GLI3: variants seen among roughly 807,000 people sequenced by gnomAD.
GLI3 encodes transcription activator GLI3.
A neutral mutation model predicts 100.8 loss-of-function variants in GLI3; 20 were observed. That is an observed-to-expected ratio of 0.20 (90% CI 0.14 to 0.29). The LOEUF is 0.29. Ranked by LOEUF, GLI3 falls within the 10% of genes least tolerant of loss-of-function variation. GLI3 has a pLI of 1.00. For missense variants in GLI3, 2,040 were observed against 2,128.5 expected (o/e 0.96, Z 0.82); for synonymous variants, 938 against 860.5 (o/e 1.09, Z -1.58).
At chr7:42,256,622 G>A (rs990549662) in intron 1 of GLI3, among the ~76,000 whole-genome samples, 2 of 152,116 alleles carry the variant, frequency 1.3e-5, no homozygotes, top group Non-Finnish European at 2.9e-5. Flanking sequence ...GGACTATCAA[G>A]TGTATTCCAT....
At chr7:41,987,419 G>A (rs958740956) in intron 10 of GLI3, among the ~76,000 whole-genome samples, 5 of 152,090 alleles carry the variant, frequency 3.3e-5, no homozygotes, top group Admixed American at 6.5e-5. Context: ...CACCTGCCTC[G>A]GCCTCCCAAA....
intron 10 of GLI3, among the ~76,000 whole-genome samples, chr7:41,999,130 T>C (rs749536353): frequency 6.6e-6 from 1 of 152,164 alleles, no homozygotes; most frequent in Non-Finnish European, 1.5e-5. Flanking sequence ...CATTACGCCA[T>C]GATAGGAAGT....
At chr7:42,074,788 G>A (rs1294489942) in intron 4 of GLI3, among the ~76,000 whole-genome samples, 1 of 152,172 alleles carries the variant, frequency 6.6e-6, no homozygotes, top group Non-Finnish European at 1.5e-5. Flanking sequence ...AATCTTCCAG[G>A]ACTTGTCTTT....
chr7:42,214,177 C>A (rs1000056076), intron 2 of GLI3, among the ~76,000 whole-genome samples: 1 of 152,158 alleles, frequency 6.6e-6, no homozygotes, highest in Non-Finnish European at 1.5e-5. Context: ...TATCCCATGA[C>A]GGCAGATTTA....
At chr7:41,984,426 T>G (rs1379273686) in intron 10 of GLI3, among the ~76,000 whole-genome samples, 1 of 152,098 alleles carries the variant, frequency 6.6e-6, no homozygotes, top group African/African-American at 2.4e-5. Context: ...CAATTCCCAC[T>G]CAGAAACACA....
At chr7:42,077,688 C>A (rs1257184808) in intron 3 of GLI3, among the ~76,000 whole-genome samples, 1 of 151,726 alleles carries the variant, frequency 6.6e-6, no homozygotes, top group Admixed American at 6.6e-5. Flanking sequence ...CCCCCACTTA[C>A]TCCTAGTAAC....
At chr7:42,187,564 G>T (rs1787741856) in intron 2 of GLI3, among the ~76,000 whole-genome samples, 1 of 152,130 alleles carries the variant, frequency 6.6e-6, no homozygotes, top group Non-Finnish European at 1.5e-5. Context: ...ATGCTAGATT[G>T]AATAGTGTCC....
chr7:42,144,825 T>C (rs563782254), intron 3 of GLI3, among the ~76,000 whole-genome samples: 1 of 152,246 alleles, frequency 6.6e-6, no homozygotes, highest in Non-Finnish European at 1.5e-5. Flanking sequence ...GGAATTGCTG[T>C]GAGTGTTCAC....
chr7:42,090,101 A>G (rs997709290), intron 3 of GLI3, among the ~76,000 whole-genome samples: 2 of 152,222 alleles, frequency 1.3e-5, no homozygotes, highest in Admixed American at 6.5e-5. Flanking sequence ...ATATCTAAAC[A>G]TAGAAAAGGT....
intron 3 of GLI3, among the ~76,000 whole-genome samples, chr7:42,126,580 C>T (rs558705962): frequency 1.7e-3 from 260 of 152,264 alleles, no homozygotes; most frequent in African/African-American, 6.1e-3. Context: ...AATAACTGAG[C>T]AGCTAATAAT....
At position 42,045,423 on chromosome 7, in the gene GLI3, T is replaced by C; in HGVS notation, c.787A>G (p.Thr263Ala). 3.7e-6 allele frequency: 6 copies of C among 1,613,922 alleles called. No homozygotes were observed. The highest frequency in any genetic ancestry group is 5.1e-6 in the Non-Finnish European group (6 of 1,179,742). The part of the protein sequence containing the change: ...DIIPSAATAG[T>A]GAIHMEYLHA... ...AGATATTCCATGTGGATGGCCCCCG[T>C]GCCGGCGGTGGCAGCTGAGGGAATA... Residue 263 changes from threonine to alanine, a missense_variant, in exon 6 of 15, where the codon ACG becomes GCG. By Grantham distance (58) the Thr-to-Ala change is moderately conservative (BLOSUM62 0). Around this residue, in one of 5 missense-constraint regions of GLI3, gnomAD observed 603 missense variants for 690.9 expected, o/e 0.87. Transcript: ENST00000395925.
At chr7:42,002,977 T>C (rs1788348322) in intron 10 of GLI3, among the ~76,000 whole-genome samples, 1 of 152,208 alleles carries the variant, frequency 6.6e-6, no homozygotes, top group Non-Finnish European at 1.5e-5. Context: ...CAAGCACTAG[T>C]TGCCTAATAT....
At chr7:42,060,882 C>T (rs1400674724) in intron 4 of GLI3, among the ~76,000 whole-genome samples, 1 of 152,096 alleles carries the variant, frequency 6.6e-6, no homozygotes, top group East Asian at 1.9e-4. Context: ...TTTCCTTTAG[C>T]AGAAACTTTT....
intron 4 of GLI3, among the ~76,000 whole-genome samples, chr7:42,051,471 T>C (rs76675312): frequency 2.0e-5 from 3 of 152,210 alleles, no homozygotes; most frequent in African/African-American, 7.2e-5. Context: ...CATCCATATG[T>C]AAAATCATAT....
At chr7:42,228,437 T>C (rs1788628790) in intron 1 of GLI3, among the ~76,000 whole-genome samples, 1 of 152,192 alleles carries the variant, frequency 6.6e-6, no homozygotes, top group African/African-American at 2.4e-5. Context: ...CGCCTGGCAG[T>C]CTCCCTCCAG....
intron 2 of GLI3, among the ~76,000 whole-genome samples, chr7:42,171,706 T>C (rs992030691): frequency 5.9e-5 from 9 of 152,210 alleles, no homozygotes; most frequent in African/African-American, 2.2e-4. Context: ...TTCTTAAAGC[T>C]TTCTTCCAAA....
At chr7:42,080,271 A>G (rs1784970642) in intron 3 of GLI3, among the ~76,000 whole-genome samples, 1 of 152,236 alleles carries the variant, frequency 6.6e-6, no homozygotes, top group South Asian at 2.1e-4. Flanking sequence ...ACAGTATTCT[A>G]TGAATTTAAA....
At chr7:42,181,436 A>AC (rs1187953804) in intron 2 of GLI3, among the ~76,000 whole-genome samples, 2 of 151,984 alleles carry the variant, frequency 1.3e-5, no homozygotes, top group African/African-American at 4.8e-5. Context: ...CCCTGTCTCT[A>AC]TAAAAAAATC....
chr7:41,999,122 T>C (rs1788214553), intron 10 of GLI3, among the ~76,000 whole-genome samples: 2 of 152,174 alleles, frequency 1.3e-5, no homozygotes, highest in South Asian at 2.1e-4. Flanking sequence ...CCACAGGACA[T>C]TACGCCATGA....
Sources: allele counts gnomAD v4.1 joint callset (sites outside exome capture counted in the v4.1 genomes callset), GRCh38; gene constraint gnomAD v4.1.1; regional missense constraint gnomAD v4.1.1; transcripts MANE v1.5; gene names NCBI Gene and HGNC (gene_info 2026-07-23, HGNC 2026-07-21).